Variants in PCDHGA8 observed in about 807,000 individuals in gnomAD.
The protein encoded by PCDHGA8 is protocadherin gamma-A8.
In PCDHGA8, 45 loss-of-function variants were observed where a neutral mutation model predicts 59.2. That is an observed-to-expected ratio of 0.76 (90% CI 0.60 to 0.98). PCDHGA8 has a LOEUF of 0.98. Ranked by LOEUF, PCDHGA8 falls within the 50% of genes least tolerant of loss-of-function variation. The pLI, the probability that PCDHGA8 is intolerant of heterozygous loss-of-function variation, is 0.00. For synonymous variants in PCDHGA8, 531 were observed against 519.0 expected, an observed-to-expected ratio of 1.02 and a Z score of -0.32; for missense variants, 1,257 against 1,196.2, an observed-to-expected ratio of 1.05 and a Z score of -0.75.
intron 1 of PCDHGA8, chr5:141,403,283 G>A: frequency 6.2e-7 from 1 of 1,613,914 alleles, no homozygotes; most frequent in South Asian, 1.1e-5. Context: ...AGTCCTGGTT[G>A]AAGACAGAGT....
At chr5:141,420,521 C>A in intron 1 of PCDHGA8, 1 of 378,418 alleles carries the variant, frequency 2.6e-6, no homozygotes, top group Non-Finnish European at 4.4e-6. Context: ...AGTAAAATAC[C>A]TTTCGGTTAA....
chr5:141,445,361 G>A (rs2098464750), intron 1 of PCDHGA8, among the ~76,000 whole-genome samples: 2 of 152,138 alleles, frequency 1.3e-5, no homozygotes, highest in African/African-American at 4.8e-5. Context: ...GCCCAAGTCT[G>A]GTCCTGGGTG....
chr5:141,489,942 C>T lies in PCDHGA8; in HGVS notation c.2425-4865C>T. On this transcript the variant is annotated intron_variant, in intron 1 of 3. Transcript: ENST00000398604. The surrounding 1 kb of genome is among the most constrained non-coding windows in gnomAD (Gnocchi z 4.5). ...CCCTTATCTCTGTCATCGTGCTGGA[C>T]ATCAATGATAATGCTCCAACCTTCC... 2 of 1,614,170 alleles carry T rather than the reference C, an allele frequency of 1.2e-6. No homozygotes were observed. The highest frequency in any genetic ancestry group is 1.7e-6 in the Non-Finnish European group (2 of 1,179,984).
At position 141,512,091 on chromosome 5, in the gene PCDHGA8, A is replaced by C. The variant is rs1329025049; in HGVS notation, c.*918A>C. On this transcript the variant is annotated 3_prime_UTR_variant, in exon 4 of 4. Transcript: ENST00000398604. The stretch of plus-strand genomic sequence containing the variant: ...TCCAGATTCCAGCCATAAACCAATA[A>C]CTAGGCTGGACCCTTCCCACTACAT... 1 of 152,656 alleles carries C rather than the reference A, an allele frequency of 6.6e-6. No homozygotes were observed. The highest frequency in any genetic ancestry group is 2.4e-5 in the African/African-American group (1 of 41,456). 9.5% of individuals were successfully genotyped at this position (152,656 alleles called of 1,614,324 possible). A position where few individuals can be genotyped will look rare whatever the true frequency, so the allele number is the denominator to read the frequency against.
chr5:141,408,673 C>T (rs1397679515), intron 1 of PCDHGA8: 3 of 1,613,854 alleles, frequency 1.9e-6, no homozygotes, highest in Non-Finnish European at 2.5e-6. Flanking sequence ...TTGACCCTGC[C>T]ACGGATCCTG....
chr5:141,422,197 G>C, intron 1 of PCDHGA8: 1 of 1,562,284 alleles, frequency 6.4e-7, no homozygotes, highest in Non-Finnish European at 8.6e-7. Flanking sequence ...TCAAGGCCAA[G>C]ATGGTGGAGG....
chr5:141,449,424 T>C (rs2098638345), intron 1 of PCDHGA8, among the ~76,000 whole-genome samples: 1 of 151,674 alleles, frequency 6.6e-6, no homozygotes, highest in Admixed American at 6.6e-5. Context: ...CTGGCCAACA[T>C]GATAAAACTC....
In PCDHGA8 at chr5:141,511,360, T is replaced by C; in HGVS notation, c.*187T>C. The C allele has an allele frequency of 7.5e-7, 1 of 1,333,050 alleles. No individual in the cohort carries two copies. Among genetic ancestry groups the C allele is most frequent in the Non-Finnish European group, 1.0e-6 (1 of 994,882 alleles). 82.6% of individuals were successfully genotyped at this position (1,333,050 alleles called of 1,614,324 possible). On this transcript the variant is annotated 3_prime_UTR_variant, in exon 4 of 4. Transcript: ENST00000398604. ...ACCTACCCCTTCCCCCCCAGGGGGT[T>C]GAATATGCAAAAGCAGTTCCGCTGG...
intron 1 of PCDHGA8, 134 bp from the exon 2 acceptor site, chr5:141,494,673 C>A: frequency 6.5e-7 from 1 of 1,542,992 alleles, no homozygotes; most frequent in South Asian, 1.2e-5. Flanking sequence ...GATGAGTCCA[C>A]CCCTGCCCCC....
At chr5:141,413,990 A>G (rs1179968710) in intron 1 of PCDHGA8, 6 of 1,613,434 alleles carry the variant, frequency 3.7e-6, no homozygotes, top group Admixed American at 1.7e-5. Context: ...ACAGCCACCG[A>G]CAGGGACGAA....
chr5:141,469,314 C>T (rs982242861), intron 1 of PCDHGA8, among the ~76,000 whole-genome samples: 3 of 152,100 alleles, frequency 2.0e-5, no homozygotes, highest in Admixed American at 1.3e-4. Context: ...CGATGGCTCA[C>T]GCCTGTAATC....
Position 141,491,364 on chromosome 5 carries a change from C to T in PCDHGA8, c.2425-3443C>T. 1 of 1,614,164 alleles carries T rather than the reference C, an allele frequency of 6.2e-7. No homozygotes were observed. The highest frequency in any genetic ancestry group is 8.5e-7 in the Non-Finnish European group (1 of 1,180,000). On this transcript the variant is annotated intron_variant, in intron 1 of 3. Coordinates refer to ENST00000398604, the MANE Select transcript of PCDHGA8 (RefSeq NM_032088.2). This position sits in a 1 kb window ranked among gnomAD's most constrained non-coding sequence, Gnocchi z 6.9. The stretch of plus-strand genomic sequence containing the variant: ...CCGTCAGTCTCTTATCCCTAGTCAC[C>T]TTCACCTTTCTGTCAGCGAAGTGCC...
Position 141,505,350 on chromosome 5 carries a change from G to A in PCDHGA8, c.2484-43G>A, listed in dbSNP as rs367663588. ...AGAGGACAGGAGGGGCATGAGCTGT[G>A]CCGGCCTGGGAGTCTGTGCTCACCA... On this transcript the variant is annotated intron_variant, in intron 2 of 3. Transcript: ENST00000398604. The A allele has an allele frequency of 4.3e-6, 7 of 1,613,264 alleles. No homozygotes were observed. In the African/African-American group the frequency reaches 6.7e-5, roughly 15 times the overall value.
chr5:141,444,902 G>A (rs1442325957), intron 1 of PCDHGA8, among the ~76,000 whole-genome samples: 1 of 152,160 alleles, frequency 6.6e-6, no homozygotes, highest in Non-Finnish European at 1.5e-5. Context: ...GGATGGCATT[G>A]CATCTATACC....
chr5:141,393,429 G>GCAA lies in PCDHGA8; in HGVS notation c.617_618insAAC (p.Ala206_Ala207insThr), dbSNP rs761074463. The stretch of plus-strand genomic sequence containing the variant: ...GCGCGCCCTGGACAGGGAGGAAGAG[G>GCAA]CTGCTCACCACCTGGTCCTCACGGC... On this transcript the variant is annotated inframe_insertion, in exon 1 of 4. Coordinates refer to ENST00000398604, the MANE Select transcript of PCDHGA8 (RefSeq NM_032088.2). 4 of 1,613,910 alleles carry GCAA rather than the reference G, an allele frequency of 2.5e-6. No individual in the cohort carries two copies. Among genetic ancestry groups the GCAA allele is most frequent in the South Asian group, 1.1e-5 (1 of 91,090 alleles).
Position 141,431,135 on chromosome 5 carries a change from A to G in PCDHGA8, c.2424+35898A>G, listed in dbSNP as rs140069213. The G allele has an allele frequency of 1.5e-5, 24 of 1,614,266 alleles. No homozygotes were observed. In the African/African-American group the frequency reaches 3.1e-4, roughly 21 times the overall value. Reference sequence around the variant, plus strand: ...TGGAGTAGAAGTAGAAGTAAGGGACATTAACGACAATGCGCCTTACTTTCG... The same window carrying G: ...TGGAGTAGAAGTAGAAGTAAGGGACGTTAACGACAATGCGCCTTACTTTCG... On this transcript the variant is annotated intron_variant, in intron 1 of 3. Transcript: ENST00000398604. This position sits in a 1 kb window ranked among gnomAD's most constrained non-coding sequence, Gnocchi z 4.8.
chr5:141,502,661 T>G (rs1440361647), intron 2 of PCDHGA8, among the ~76,000 whole-genome samples: 1 of 152,240 alleles, frequency 6.6e-6, no homozygotes. Flanking sequence ...CAACCCTTCA[T>G]GCAATTTTAG....
intron 1 of PCDHGA8, chr5:141,416,273 T>C (rs891505781): frequency 8.5e-5 from 13 of 152,298 alleles, no homozygotes; most frequent in African/African-American, 3.1e-4. Flanking sequence ...CCTTTTTGCA[T>C]ACAATTCTCT....
intron 1 of PCDHGA8, chr5:141,433,165 C>T: frequency 2.5e-6 from 4 of 1,613,470 alleles, no homozygotes; most frequent in Non-Finnish European, 2.5e-6. Context: ...TTTCTAAAGA[C>T]AGTCATGGGT....
Sources: gnomAD v4.1 joint callset for allele counts (sites outside exome capture counted in the v4.1 genomes callset) on GRCh38, gnomAD v4.1.1 for gene constraint, Gnocchi (gnomAD v3.1) non-coding constraint, MANE v1.5 for transcripts, NCBI Gene and HGNC (gene_info 2026-07-23, HGNC 2026-07-21) for gene names.